The following LINGO2 variants were observed in gnomAD, a reference collection of about 807,000 sequenced individuals.
LINGO2 encodes leucine rich repeat and Ig domain containing 2.
LINGO2 carries 14 observed loss-of-function variants against 30.6 expected under a neutral mutation model. The ratio of observed to expected loss-of-function variants is 0.46; its 90% confidence interval spans 0.30 to 0.72. LINGO2 has a LOEUF of 0.72. LINGO2 is among the 30% of genes least tolerant of loss of function. The pLI is 0.07. For missense variants in LINGO2, 729 were observed against 751.7 expected (o/e 0.97, Z 0.35); for synonymous variants, 317 against 288.5 (o/e 1.10, Z -1.00).
chr9:28,026,480 C>A (rs1037290344), intron 4 of LINGO2, among the ~76,000 whole-genome samples: 1 of 152,136 alleles, frequency 6.6e-6, no homozygotes, highest in African/African-American at 2.4e-5. Context: ...ATTTCTAAGG[C>A]GTTCTGGGAT....
the LINGO2 span, among the ~76,000 whole-genome samples, chr9:28,880,963 G>T: frequency 6.6e-6 from 1 of 151,976 alleles, no homozygotes; most frequent in African/African-American, 2.4e-5. Context: ...TCACATGTTT[G>T]TTGCTGACCT....
intron 3 of LINGO2, among the ~76,000 whole-genome samples, chr9:28,306,216 G>T (rs1032892139): frequency 1.3e-5 from 2 of 152,060 alleles, no homozygotes; most frequent in Non-Finnish European, 2.9e-5. Flanking sequence ...GTCTTGCCTT[G>T]TCCTCTGAGC....
At chr9:29,079,848 T>C in the LINGO2 span, among the ~76,000 whole-genome samples, 2 of 151,108 alleles carry the variant, frequency 1.3e-5, no homozygotes, top group Non-Finnish European at 3.0e-5. Flanking sequence ...AGTGAGACTA[T>C]GCTATGTCTT....
intron 1 of LINGO2, among the ~76,000 whole-genome samples, chr9:28,564,550 T>C (rs1587872092): frequency 6.6e-6 from 1 of 152,128 alleles, no homozygotes; most frequent in African/African-American, 2.4e-5. Context: ...AAGAGCACTG[T>C]TGTAGTTGCG....
intron 1 of LINGO2, among the ~76,000 whole-genome samples, chr9:28,497,256 T>G (rs1243950157): frequency 6.6e-6 from 1 of 152,216 alleles, no homozygotes. Context: ...CAGAGTGTTT[T>G]CCAACTTGGT....
chr9:28,077,929 G>C (rs1825672376), intron 4 of LINGO2, among the ~76,000 whole-genome samples: 1 of 148,982 alleles, frequency 6.7e-6, no homozygotes, highest in Non-Finnish European at 1.5e-5. Flanking sequence ...GAAAAGAGCA[G>C]GCCTGATTTC....
the LINGO2 span, among the ~76,000 whole-genome samples, chr9:29,120,572 C>G: frequency 2.0e-5 from 3 of 152,128 alleles, no homozygotes; most frequent in Non-Finnish European, 2.9e-5. Flanking sequence ...GTCATAAGTT[C>G]CTCAAACAAC....
chr9:28,061,407 A>T (rs1023178701), intron 4 of LINGO2, among the ~76,000 whole-genome samples: 1 of 151,856 alleles, frequency 6.6e-6, no homozygotes, highest in Admixed American at 6.6e-5. Context: ...GGAATAATCC[A>T]GAAGTTGCAT....
intron 4 of LINGO2, among the ~76,000 whole-genome samples, chr9:28,088,383 T>C (rs1395553702): frequency 6.6e-6 from 1 of 152,040 alleles, no homozygotes; most frequent in South Asian, 2.1e-4. Context: ...CTTTAGACTC[T>C]GGCCTTCATT....
At chr9:28,935,381 T>A in the LINGO2 span, among the ~76,000 whole-genome samples, 4 of 152,118 alleles carry the variant, frequency 2.6e-5, no homozygotes, top group Admixed American at 6.6e-5. Flanking sequence ...ATGACCTATT[T>A]CTTTTTCTTA....
At chr9:28,829,477 C>A in the LINGO2 span, among the ~76,000 whole-genome samples, 2 of 152,198 alleles carry the variant, frequency 1.3e-5, no homozygotes, top group South Asian at 4.1e-4. Context: ...AAAAGCACTA[C>A]CTATAACATT....
chr9:28,998,011 G>A, the LINGO2 span, among the ~76,000 whole-genome samples: 1 of 152,140 alleles, frequency 6.6e-6, no homozygotes, highest in Admixed American at 6.5e-5. Flanking sequence ...GTAAAGATCA[G>A]AGAAGCCATA....
intron 4 of LINGO2, among the ~76,000 whole-genome samples, chr9:28,198,985 T>C (rs947788730): frequency 1.3e-5 from 2 of 152,180 alleles, no homozygotes; most frequent in Non-Finnish European, 2.9e-5. Flanking sequence ...AAAACATTAT[T>C]GGAAGATTTG....
chr9:28,149,127 G>A, intron 4 of LINGO2: 2 of 1,501,840 alleles, frequency 1.3e-6, no homozygotes, highest in Non-Finnish European at 1.8e-6. Context: ...GGCAACATGT[G>A]TAAGAACATG....
intron 5 of LINGO2, among the ~76,000 whole-genome samples, chr9:27,976,279 G>A (rs889606856): frequency 6.6e-6 from 1 of 151,776 alleles, no homozygotes; most frequent in Non-Finnish European, 1.5e-5. Flanking sequence ...TGTAGAACTC[G>A]ATAAATGTTG....
intron 4 of LINGO2, among the ~76,000 whole-genome samples, chr9:28,150,114 G>A (rs4878746): frequency 0.45 from 66,409 of 148,742 alleles, 15,937 homozygotes; most frequent in East Asian, 0.63. Flanking sequence ...CCCAGCCACC[G>A]CCCTGTCTGG....
At chr9:29,198,689 A>G in the LINGO2 span, among the ~76,000 whole-genome samples, 8 of 152,120 alleles carry the variant, frequency 5.3e-5, no homozygotes, top group African/African-American at 1.9e-4. Context: ...ATTGTTAGCT[A>G]CAGTCTCCCT....
At chr9:28,662,032 C>G (rs1403209828) in intron 1 of LINGO2, among the ~76,000 whole-genome samples, 1 of 152,200 alleles carries the variant, frequency 6.6e-6, no homozygotes, top group Non-Finnish European at 1.5e-5. Flanking sequence ...AATACTGATT[C>G]TCCCACAGGG....
chr9:28,308,470 TA>T (rs1319838116), intron 3 of LINGO2, among the ~76,000 whole-genome samples: 1 of 146,234 alleles, frequency 6.8e-6, no homozygotes, highest in African/African-American at 2.5e-5. Context: ...CCTAAAACCA[TA>T]AAAACCCTAG....
Sources: allele counts gnomAD v4.1 joint callset (sites outside exome capture counted in the v4.1 genomes callset), GRCh38; gene constraint gnomAD v4.1.1; transcripts MANE v1.5; gene names NCBI Gene and HGNC (gene_info 2026-07-23, HGNC 2026-07-21).